Variants in SCLY observed in about 807,000 individuals in gnomAD.
SCLY encodes the protein putative selenocysteine lyase.
In SCLY, 38 loss-of-function variants were observed where a neutral mutation model predicts 50.1. The observed-to-expected ratio is 0.76, with a 90% CI of 0.59 to 0.99. The LOEUF is 0.99. Among genes scored for constraint, SCLY ranks in the 50% least tolerant of loss-of-function variants. SCLY has a pLI of 0.00. For missense variants in SCLY, 600 were observed against 620.0 expected (o/e 0.97, Z 0.34); for synonymous variants, 243 against 249.4 (o/e 0.97, Z 0.24).
intron 4 of SCLY, among the ~76,000 whole-genome samples, chr2:238,075,184 G>GT (rs2065161560): frequency 6.6e-6 from 1 of 152,038 alleles, no homozygotes; most frequent in Admixed American, 6.6e-5. Context: ...GATCATGTGG[G>GT]TTTTTGTTCT....
rs1267079679 is a variant in SCLY at position 238,067,150 on chromosome 2, G to A, written c.203-915G>A. On this transcript the variant is annotated intron_variant, in intron 2 of 11. Transcript: ENST00000254663. The surrounding 1 kb of genome is among the most constrained non-coding windows in gnomAD (Gnocchi z 4.3). ...GAGAGTGAGGGTGACAGTTTATTAC[G>A]GTGACTTTTAGTGTCACCAAGAAAA... Among the ~76,000 whole-genome samples, 7 of 152,032 alleles carry A rather than the reference G, an allele frequency of 4.6e-5. No homozygotes were observed. Among genetic ancestry groups the A allele is most frequent in the African/African-American group, 9.7e-5 (4 of 41,372 alleles).
intron 9 of SCLY, 197 bp from the exon 10 acceptor site, chr2:238,094,223 A>G (rs1216202286): frequency 3.2e-6 from 2 of 617,748 alleles, no homozygotes; most frequent in Non-Finnish European, 5.7e-6. Context: ...TGGAAGGTTC[A>G]TATGTTTCTG....
chr2:238,062,679 C>T (rs377310565), intron 1 of SCLY, among the ~76,000 whole-genome samples: 1 of 152,122 alleles, frequency 6.6e-6, no homozygotes, highest in African/African-American at 2.4e-5. Context: ...CCCAAAGTGC[C>T]GGGATTACAG....
intron 8 of SCLY, 142 bp from the exon 9 acceptor site, chr2:238,093,719 C>T: frequency 1.3e-6 from 1 of 771,666 alleles, no homozygotes. Context: ...CTCCAAATGG[C>T]AGCACTCAAA....
Position 238,094,501 on chromosome 2 carries a change from A to G in SCLY, c.1087A>G (p.Ile363Val), listed in dbSNP as rs138461270. The change falls in exon 10 of 12, where the codon ATC becomes GTC. Residue 363 changes from isoleucine to valine, a missense_variant. Physicochemically the swap from Ile to Val is conservative, Grantham distance 29. Coordinates refer to ENST00000254663, the MANE Select transcript of SCLY (RefSeq NM_016510.7). ...QRLPNTCNFS[I>V]RGPRLQGHVV... The stretch of plus-strand genomic sequence containing the variant: ...GCTTCCCAATACCTGTAACTTTTCC[A>G]TCCGGGGACCCCGGCTTCAAGGTGA... The G allele has an allele frequency of 9.3e-6, 15 of 1,614,056 alleles. No individual in the cohort carries two copies. The highest frequency in any genetic ancestry group is 1.2e-5 in the Non-Finnish European group (14 of 1,180,014).
At chr2:238,074,392 G>T (rs1482151622) in intron 4 of SCLY, among the ~76,000 whole-genome samples, 1 of 152,010 alleles carries the variant, frequency 6.6e-6, no homozygotes, top group Non-Finnish European at 1.5e-5. Flanking sequence ...CCCTCACATT[G>T]TTCAAGGGTC....
intron 8 of SCLY, chr2:238,091,542 A>ACTT: frequency 5.5e-6 from 2 of 361,636 alleles, no homozygotes; most frequent in Non-Finnish European, 1.0e-5. Context: ...GTCAAGCTGC[A>ACTT]GGTTCACCAT....
intron 7 of SCLY, among the ~76,000 whole-genome samples, chr2:238,086,132 C>T (rs141880356): frequency 2.2e-4 from 33 of 152,246 alleles, no homozygotes; most frequent in African/African-American, 7.5e-4. Context: ...CAGAGAAAAC[C>T]GTCAAGCTAG....
rs975983349 is a variant in SCLY, at chr2:238,061,089, C to G, written c.35C>G (p.Pro12Arg). Residue 12 changes from proline (P) to arginine (R), a missense_variant, in exon 1 of 12, where the codon CCG becomes CGG. By Grantham distance (103) the Pro-to-Arg change is moderately radical. Coordinates refer to ENST00000254663, the MANE Select transcript of SCLY (RefSeq NM_016510.7). Reference sequence around the variant, plus strand: ...GCCGTGGCGCCGGGGAGGGATGCGCCGGCACCCGCGGCGAGTCAGCCCAGC... The same window carrying G: ...GCCGTGGCGCCGGGGAGGGATGCGCGGGCACCCGCGGCGAGTCAGCCCAGC... ...EAAVAPGRDA[P>R]APAASQPSGC... 3 of 1,397,978 alleles carry G rather than the reference C, an allele frequency of 2.1e-6. No individual in the cohort carries two copies. Among genetic ancestry groups the G allele is most frequent in the Non-Finnish European group, 2.8e-6 (3 of 1,086,824 alleles). 86.6% of individuals were successfully genotyped at this position (1,397,978 alleles called of 1,614,324 possible).
In SCLY at chr2:238,081,692, T is replaced by A. The variant is rs1044012465; in HGVS notation, c.485-17T>A. 1 of 1,611,370 alleles carries A rather than the reference T, an allele frequency of 6.2e-7. No homozygotes were observed. Among genetic ancestry groups the A allele is most frequent in the East Asian group, 2.2e-5 (1 of 44,780 alleles). On this transcript the variant is annotated splice_polypyrimidine_tract_variant and intron_variant, in intron 4 of 11. Transcript: ENST00000254663. ...CAATTTGTGCAGCTCAGTTCGGTAC[T>A]CATGTTTGTTTCCCAGCGGTCACCT...
At chr2:238,065,660 TTTATTATTA>T (rs61131460) in intron 2 of SCLY, among the ~76,000 whole-genome samples, 2 of 143,506 alleles carry the variant, frequency 1.4e-5, no homozygotes, top group South Asian at 2.2e-4. Flanking sequence ...AATATTTTAT[TTTATTATTA>T]TTATTATTAT....
rs773522115 is a variant in SCLY, at chr2:238,068,055, G to A, written c.203-10G>A. 1.8e-5 allele frequency: 28 copies of A among 1,596,280 alleles called. No individual in the cohort carries two copies. The highest frequency in any genetic ancestry group is 1.7e-4 in the Middle Eastern group (1 of 6,010). On this transcript the variant is annotated splice_polypyrimidine_tract_variant and intron_variant, in intron 2 of 11. Coordinates refer to ENST00000254663, the MANE Select transcript of SCLY (RefSeq NM_016510.7). ...GCAATGTTAATGAATTTCCTTTTTG[G>A]TCCCTCAAGGAAGAAAGGCCAAGGA...
In SCLY at chr2:238,061,033, G is replaced by C. The variant is rs755650256; in HGVS notation, c.-22G>C. On this transcript the variant is annotated 5_prime_UTR_variant, in exon 1 of 12. An upstream start codon of the reference 5' UTR is lost. Transcript: ENST00000254663. Reference sequence around the variant, plus strand: ...GCGCTCCGCGGGAAGGAGGCTGGATGCCCGGCAGCAGTGGGGCGGGGATGG... The same window carrying C: ...GCGCTCCGCGGGAAGGAGGCTGGATCCCCGGCAGCAGTGGGGCGGGGATGG... 1 of 1,364,708 alleles carries C rather than the reference G, an allele frequency of 7.3e-7. No homozygotes were observed. The highest frequency in any genetic ancestry group is 9.4e-7 in the Non-Finnish European group (1 of 1,065,988). 84.5% of individuals were successfully genotyped at this position (1,364,708 alleles called of 1,614,324 possible).
chr2:238,077,230 A>G (rs2065183144), intron 4 of SCLY, among the ~76,000 whole-genome samples: 1 of 152,212 alleles, frequency 6.6e-6, no homozygotes, highest in Non-Finnish European at 1.5e-5. Flanking sequence ...TGGTTCTTTT[A>G]TCATTATAAA....
intron 9 of SCLY, 37 bp downstream of exon 9, chr2:238,093,981 G>A: frequency 6.3e-7 from 1 of 1,576,258 alleles, no homozygotes; most frequent in Non-Finnish European, 8.7e-7. Flanking sequence ...GGAGGGGGAG[G>A]GTGCGTGGGG....
Position 238,081,843 on chromosome 2 carries a change from C to G in SCLY, c.612+7C>G. On this transcript the variant is annotated splice_region_variant and intron_variant, in intron 5 of 11. Transcript: ENST00000254663. ...TGAGACTGGCATTGTCATGGTGAGT[C>G]GGCCTTTGTTTCTCTTTAAGGAGAG... The G allele has an allele frequency of 6.2e-7, 1 of 1,612,648 alleles. No homozygotes were observed. The highest frequency in any genetic ancestry group is 8.5e-7 in the Non-Finnish European group (1 of 1,179,206).
intron 10 of SCLY, among the ~76,000 whole-genome samples, chr2:238,096,445 C>G (rs2065437259): frequency 6.6e-6 from 1 of 152,244 alleles, no homozygotes; most frequent in African/African-American, 2.4e-5. Context: ...TCCCACGTGT[C>G]TCTACCATCC....
At chr2:238,097,988 C>T (rs1332183521) in intron 11 of SCLY, among the ~76,000 whole-genome samples, 1 of 152,146 alleles carries the variant, frequency 6.6e-6, no homozygotes, top group African/African-American at 2.4e-5. Flanking sequence ...GAGAACTCTG[C>T]AGGGAGAACG....
chr2:238,082,819 C>T (rs1002026701), intron 6 of SCLY: 5 of 268,028 alleles, frequency 1.9e-5, no homozygotes, highest in Non-Finnish European at 3.8e-5. Flanking sequence ...CACTGGCACT[C>T]CAGAGTTCTG....
Sources: allele counts gnomAD v4.1 joint callset (sites outside exome capture counted in the v4.1 genomes callset), GRCh38; gene constraint gnomAD v4.1.1; non-coding constraint Gnocchi (gnomAD v3.1); transcripts MANE v1.5; gene names NCBI Gene and HGNC (gene_info 2026-07-23, HGNC 2026-07-21).